The following NTM variants were observed in gnomAD, a reference collection of about 807,000 sequenced individuals.
The protein encoded by NTM is neurotrimin.
NTM carries 13 observed loss-of-function variants against 42.1 expected under a neutral mutation model. The ratio of observed to expected loss-of-function variants is 0.31; its 90% confidence interval spans 0.20 to 0.49. The LOEUF is 0.49. NTM is among the 20% of genes least tolerant of loss of function. The pLI is 0.99. For missense variants in NTM, 373 were observed against 452.8 expected (o/e 0.82, Z 1.60); for synonymous variants, 187 against 179.2 (o/e 1.04, Z -0.35).
intron 1 of NTM, among the ~76,000 whole-genome samples, chr11:131,625,786 C>T (rs923584622): frequency 1.3e-5 from 2 of 152,184 alleles, no homozygotes; most frequent in Non-Finnish European, 2.9e-5. Context: ...AGTGTGCCTG[C>T]TTTACAACTC....
intron 1 of NTM, among the ~76,000 whole-genome samples, chr11:131,574,490 G>A (rs958643184): frequency 6.6e-6 from 1 of 152,072 alleles, no homozygotes; most frequent in East Asian, 1.9e-4. Flanking sequence ...AGAGTCCCAG[G>A]CCTAAGGTAT....
rs2095864623 is a variant in NTM, at chr11:132,335,363, G to A, written c.*217G>A. Reference sequence around the variant, plus strand: ...TTGAAAATTGCCTTGCAGATATTTAGGTACAATGGAGTTTTCTTTTCCCAA... The same window carrying A: ...TTGAAAATTGCCTTGCAGATATTTAAGTACAATGGAGTTTTCTTTTCCCAA... On this transcript the variant is annotated 3_prime_UTR_variant, in exon 9 of 9. Transcript: ENST00000683400. 3.6e-6 allele frequency: 2 copies of A among 555,366 alleles called. No homozygotes were observed. The highest frequency in any genetic ancestry group is 6.3e-6 in the Non-Finnish European group (2 of 318,464). 34.4% of individuals were successfully genotyped at this position (555,366 alleles called of 1,614,324 possible).
chr11:132,293,367 G>A (rs867497741), intron 4 of NTM, among the ~76,000 whole-genome samples: 12 of 152,286 alleles, frequency 7.9e-5, no homozygotes, highest in South Asian at 2.1e-4. Context: ...GACAGGACAC[G>A]TCTCCAGGAG....
intron 1 of NTM, among the ~76,000 whole-genome samples, chr11:131,465,264 A>G (rs1375801905): frequency 6.6e-6 from 1 of 152,198 alleles, no homozygotes; most frequent in African/African-American, 2.4e-5. Flanking sequence ...GAGCCGCCCC[A>G]TGGGTGACCT....
chr11:131,988,189 C>T (rs1475797866), intron 2 of NTM, among the ~76,000 whole-genome samples: 2 of 152,188 alleles, frequency 1.3e-5, no homozygotes, highest in African/African-American at 4.8e-5. Flanking sequence ...TATGGGGGTT[C>T]CACACTCATT....
chr11:131,378,924 G>A (rs1320063780), intron 1 of NTM, among the ~76,000 whole-genome samples: 2 of 152,206 alleles, frequency 1.3e-5, no homozygotes, highest in African/African-American at 4.8e-5. Context: ...AGCTTCATAT[G>A]TTAGGTAGAA....
intron 1 of NTM, among the ~76,000 whole-genome samples, chr11:131,504,740 C>G (rs2047271919): frequency 1.3e-5 from 2 of 152,070 alleles, no homozygotes; most frequent in African/African-American, 4.8e-5. Context: ...AGCTGCCAGA[C>G]TCCCTGGATC....
intron 4 of NTM, among the ~76,000 whole-genome samples, chr11:132,280,859 T>A (rs1184073651): frequency 6.6e-6 from 1 of 152,106 alleles, no homozygotes; most frequent in African/African-American, 2.4e-5. Context: ...CCACCCCAGA[T>A]TTCAAAGCCA....
intron 1 of NTM, among the ~76,000 whole-genome samples, chr11:131,844,038 C>T (rs1002762958): frequency 2.0e-5 from 3 of 151,894 alleles, no homozygotes; most frequent in Non-Finnish European, 4.4e-5. Context: ...TAAACTAAAA[C>T]TTTATTTTCT....
At chr11:132,068,320 T>G (rs2056837681) in intron 2 of NTM, among the ~76,000 whole-genome samples, 1 of 152,218 alleles carries the variant, frequency 6.6e-6, no homozygotes, top group African/African-American at 2.4e-5. Context: ...GGCTGCACCT[T>G]GAGTACTTTG....
At chr11:131,877,603 T>G (rs2048726668) in intron 1 of NTM, 1 of 152,206 alleles carries the variant, frequency 6.6e-6, no homozygotes, top group Non-Finnish European at 1.5e-5. Context: ...CGGGCAGGCT[T>G]AAATCTCTGT....
intron 2 of NTM, among the ~76,000 whole-genome samples, chr11:132,066,476 A>G (rs1483288447): frequency 6.6e-6 from 1 of 152,210 alleles, no homozygotes; most frequent in African/African-American, 2.4e-5. Flanking sequence ...GCTTGCTGTA[A>G]CAAATTACCA....
chr11:132,267,773 C>G (rs1020284469), intron 4 of NTM, among the ~76,000 whole-genome samples: 2 of 150,818 alleles, frequency 1.3e-5, no homozygotes, highest in Non-Finnish European at 2.9e-5. Flanking sequence ...ACTGGGGAGG[C>G]AGATGTTGCA....
chr11:131,911,439 G>A lies in NTM; in HGVS notation c.83-125G>A, dbSNP rs373752573. ...TCCTGTGCTCGCCCGGGGGGCGTGT[G>A]CCGTGCGGCTGCCGGAGTTCGGGGA... On this transcript the variant is annotated intron_variant, in intron 1 of 8. Coordinates refer to ENST00000683400, the MANE Select transcript of NTM (RefSeq NM_001352005.2). 9 of 1,613,326 alleles carry A rather than the reference G, an allele frequency of 5.6e-6. No homozygotes were observed. In the African/African-American group the frequency reaches 1.2e-4, roughly 22 times the overall value.
chr11:132,126,021 C>A (rs915913314), intron 2 of NTM, among the ~76,000 whole-genome samples: 1 of 151,974 alleles, frequency 6.6e-6, no homozygotes, highest in Non-Finnish European at 1.5e-5. Flanking sequence ...AAAGGTGGAG[C>A]CTCGCTTTCC....
At chr11:131,388,217 C>A (rs1943560548) in intron 1 of NTM, among the ~76,000 whole-genome samples, 1 of 152,124 alleles carries the variant, frequency 6.6e-6, no homozygotes, top group Admixed American at 6.5e-5. Flanking sequence ...CTTTAAGCCA[C>A]CGGGACAGAG....
chr11:132,328,041 G>T (rs2095719441), intron 7 of NTM, among the ~76,000 whole-genome samples: 1 of 152,074 alleles, frequency 6.6e-6, no homozygotes, highest in Admixed American at 6.6e-5. Flanking sequence ...TGGAGTTTGT[G>T]GCCAGGACTA....
chr11:131,404,187 CA>C (rs1945558439), intron 1 of NTM, among the ~76,000 whole-genome samples: 1 of 152,168 alleles, frequency 6.6e-6, no homozygotes, highest in African/African-American at 2.4e-5. Context: ...TCAGCACTCG[CA>C]CTTCCGCTTT....
intron 1 of NTM, among the ~76,000 whole-genome samples, chr11:131,716,837 TTTG>T (rs769057595): frequency 1.6e-4 from 24 of 152,108 alleles, no homozygotes; most frequent in South Asian, 4.1e-4. Context: ...ACTAAAGCTT[TTTG>T]TTGTTGTTGT....
Sources: gnomAD v4.1 joint callset for allele counts (sites outside exome capture counted in the v4.1 genomes callset) on GRCh38, gnomAD v4.1.1 for gene constraint, MANE v1.5 for transcripts, NCBI Gene and HGNC (gene_info 2026-07-23, HGNC 2026-07-21) for gene names.